The following CDYL variants were observed in gnomAD, a reference collection of about 807,000 sequenced individuals.
CDYL encodes the protein chromodomain Y-like protein.
A neutral mutation model predicts 47.3 loss-of-function variants in CDYL; 8 were observed. That is an observed-to-expected ratio of 0.17 (90% CI 0.10 to 0.31). The LOEUF (loss-of-function observed/expected upper bound fraction) is 0.31, where lower values mean the gene tolerates loss of function less well. CDYL is among the 10% of genes least tolerant of loss of function. CDYL has a pLI of 1.00. For synonymous variants in CDYL, 266 were observed against 265.0 expected (o/e 1.00, Z -0.04); for missense variants, 471 against 701.4 (o/e 0.67, Z 3.71).
chr6:4,816,498 CTT>C (rs1332068497), intron 1 of CDYL, among the ~76,000 whole-genome samples: 80 of 127,536 alleles, frequency 6.3e-4, no homozygotes, highest in Admixed American at 7.1e-4. Context: ...TTCTTTCTTT[CTT>C]TTTTTTTTTT....
Position 4,716,000 on chromosome 6 carries a change from G to C in CDYL, c.103+119G>C, listed in dbSNP as rs1757250753. On this transcript the variant is annotated intron_variant, in intron 2 of 8. Transcript: ENST00000328908. The stretch of plus-strand genomic sequence containing the variant: ...ACGGTGGCTCACGCCTATAATCCCA[G>C]CACTTTGGGAGGCCGAGGCGGGCGG... The C allele has an allele frequency of 4.2e-6, 6 of 1,437,712 alleles. No homozygotes were observed. The Admixed American group carries it at 9.7e-5, about 23-fold the overall frequency. 89.1% of individuals were successfully genotyped at this position (1,437,712 alleles called of 1,614,324 possible). A position where few individuals can be genotyped will look rare whatever the true frequency, so the allele number is the denominator to read the frequency against.
chr6:4,881,643 T>G (rs1761765042), intron 1 of CDYL, among the ~76,000 whole-genome samples: 1 of 152,262 alleles, frequency 6.6e-6, no homozygotes. Context: ...CTACATATGA[T>G]AAACCCCACA....
intron 3 of CDYL, among the ~76,000 whole-genome samples, chr6:4,770,519 G>A (rs1758323044): frequency 6.6e-6 from 1 of 152,106 alleles, no homozygotes; most frequent in African/African-American, 2.4e-5. Context: ...CAGGGTAAGT[G>A]CTTCTTGTTT....
intron 1 of CDYL, among the ~76,000 whole-genome samples, chr6:4,859,127 G>A (rs1761092823): frequency 6.6e-6 from 1 of 152,088 alleles, no homozygotes; most frequent in African/African-American, 2.4e-5. Flanking sequence ...TTGTTGGTTT[G>A]GTGGCTGGCA....
At chr6:4,896,110 G>C (rs1364708037) in intron 2 of CDYL, among the ~76,000 whole-genome samples, 3 of 152,212 alleles carry the variant, frequency 2.0e-5, no homozygotes, top group African/African-American at 7.2e-5. Context: ...TCACTAGTTA[G>C]AGGAAAATAG....
At chr6:4,740,568 T>C (rs1757780137) in intron 3 of CDYL, among the ~76,000 whole-genome samples, 1 of 152,312 alleles carries the variant, frequency 6.6e-6, no homozygotes, top group Non-Finnish European at 1.5e-5. Context: ...GAATCTAATA[T>C]ACTAAATTTG....
At chr6:4,924,546 G>A (rs1757809507) in intron 2 of CDYL, among the ~76,000 whole-genome samples, 1 of 152,158 alleles carries the variant, frequency 6.6e-6, no homozygotes, top group Non-Finnish European at 1.5e-5. Context: ...TCTGAATGTG[G>A]TCTTTGGTAG....
chr6:4,851,597 A>G (rs1261844099), intron 1 of CDYL, among the ~76,000 whole-genome samples: 1 of 151,972 alleles, frequency 6.6e-6, no homozygotes, highest in African/African-American at 2.4e-5. Flanking sequence ...TTGTGAGGGG[A>G]TTTTCAGGTG....
At chr6:4,869,086 T>G (rs1018463227) in intron 1 of CDYL, among the ~76,000 whole-genome samples, 1 of 151,610 alleles carries the variant, frequency 6.6e-6, no homozygotes, top group Non-Finnish European at 1.5e-5. Context: ...TCTGATCTGA[T>G]CATTTCTTTC....
intron 2 of CDYL, among the ~76,000 whole-genome samples, chr6:4,933,872 T>C (rs911806353): frequency 1.3e-5 from 2 of 152,192 alleles, no homozygotes; most frequent in African/African-American, 4.8e-5. Flanking sequence ...TGAATAGTAG[T>C]GCGTATTGCA....
chr6:4,784,300 C>T (rs1430393239), intron 1 of CDYL, among the ~76,000 whole-genome samples: 2 of 152,088 alleles, frequency 1.3e-5, no homozygotes, highest in African/African-American at 2.4e-5. Context: ...GGATATTTTC[C>T]TTGTTTCCTA....
intron 5 of CDYL, among the ~76,000 whole-genome samples, chr6:4,950,881 G>A (rs545703592): frequency 6.1e-5 from 9 of 147,386 alleles, no homozygotes; most frequent in African/African-American, 1.5e-4. Flanking sequence ...GCAGTGAGCC[G>A]ATATTGCACC....
chr6:4,891,048 G>A (rs1305307409), intron 1 of CDYL, among the ~76,000 whole-genome samples: 1 of 152,164 alleles, frequency 6.6e-6, no homozygotes, highest in East Asian at 1.9e-4. Context: ...TGATAAATTT[G>A]ATCCAAAATG....
intron 2 of CDYL, among the ~76,000 whole-genome samples, chr6:4,921,968 C>T (rs779289760): frequency 1.3e-5 from 2 of 152,112 alleles, no homozygotes; most frequent in Non-Finnish European, 2.9e-5. Context: ...ATTTTTCCAC[C>T]ACTTTTCTTT....
intron 1 of CDYL, among the ~76,000 whole-genome samples, chr6:4,887,789 C>T (rs1761937173): frequency 6.6e-6 from 1 of 151,500 alleles, no homozygotes; most frequent in Non-Finnish European, 1.5e-5. Context: ...AGCTTTTAGT[C>T]TTTCAGTATT....
chr6:4,954,939 GA>G lies in CDYL; in HGVS notation c.*884del, dbSNP rs1758822805. The stretch of plus-strand genomic sequence containing the variant: ...AGACAGTTTTGGTTTTCTGTTTGCA[GA>G]TATGATTGATGTATTTCACCAAAAT... On this transcript the variant is annotated 3_prime_UTR_variant, in exon 7 of 7. Transcript: ENST00000397588. 6.6e-6 allele frequency: 1 copy of G among 152,198 alleles called. No homozygotes were observed. Among genetic ancestry groups the G allele is most frequent in the South Asian group, 2.1e-4 (1 of 4,816 alleles). The allele number at this position is 152,198 out of a possible 1,614,324, so 9.4% of individuals were successfully genotyped here. A position where few individuals can be genotyped will look rare whatever the true frequency, so the allele number is the denominator to read the frequency against.
intron 1 of CDYL, among the ~76,000 whole-genome samples, chr6:4,791,219 C>T (rs75680595): frequency 0.017 from 2,620 of 152,234 alleles, 69 homozygotes; most frequent in African/African-American, 0.059. Context: ...ACTGTATAAC[C>T]GATTCCATAG....
chr6:4,709,125 T>A (rs1200203416), intron 1 of CDYL, among the ~76,000 whole-genome samples: 5 of 152,176 alleles, frequency 3.3e-5, no homozygotes, highest in Non-Finnish European at 1.5e-5. Context: ...CACCAACCCT[T>A]CCATACACCT....
rs139679895 is a variant in CDYL, at chr6:4,803,527, C to G, written c.24+26720C>G. On this transcript the variant is annotated intron_variant, in intron 1 of 6. Coordinates refer to ENST00000397588, the MANE Select transcript of CDYL (RefSeq NM_004824.4). ...TTCAGGATTCTCTCACCAACTTTCT[C>G]CAGTAACAGGATTGACAGACGATAG... Among the ~76,000 whole-genome samples, 170 of 152,292 alleles carry G rather than the reference C, an allele frequency of 1.1e-3. 6 individuals are homozygous for G. Among genetic ancestry groups the G allele is most frequent in the Admixed American group, 8.0e-3 (123 of 15,310 alleles).
Sources: gnomAD v4.1 joint callset for allele counts (sites outside exome capture counted in the v4.1 genomes callset) on GRCh38, gnomAD v4.1.1 for gene constraint, MANE v1.5 for transcripts, NCBI Gene and HGNC (gene_info 2026-07-23, HGNC 2026-07-21) for gene names.